D2HGDH: variants seen among roughly 807,000 people sequenced by gnomAD.
The protein encoded by D2HGDH is D-2-hydroxyglutarate dehydrogenase, also known as D-2-hydroxyglutarate dehydrogenase, mitochondrial.
Under a neutral mutation model 46.9 loss-of-function variants are expected in D2HGDH, and 31 were observed. That is an observed-to-expected ratio of 0.66 (90% CI 0.50 to 0.89). D2HGDH has a LOEUF of 0.89. Ranked by LOEUF, D2HGDH falls within the 40% of genes least tolerant of loss-of-function variation. The pLI, the probability that D2HGDH is intolerant of heterozygous loss-of-function variation, is 0.00. For missense variants in D2HGDH, 698 were observed against 720.8 expected (o/e 0.97, Z 0.36); for synonymous variants, 364 against 332.6 (o/e 1.09, Z -1.03).
chr2:241,755,223 G>T, intron 8 of D2HGDH: 1 of 1,177,414 alleles, frequency 8.5e-7, no homozygotes. Context: ...CCCGCCCACC[G>T]TGTCCTTCCC....
intron 3 of D2HGDH, 42 bp downstream of exon 3, chr2:241,741,132 CT>C (rs1559352315): frequency 6.3e-7 from 1 of 1,588,854 alleles, no homozygotes; most frequent in African/African-American, 1.3e-5. Flanking sequence ...TCCCTGTTGC[CT>C]GTGGGTCATT....
chr2:241,760,304 G>A (rs370938973), intron 9 of D2HGDH, among the ~76,000 whole-genome samples: 2 of 70,280 alleles, frequency 2.8e-5, no homozygotes, highest in African/African-American at 8.5e-5. Context: ...TCGCCACAGC[G>A]TGGGTGGGCC....
intron 8 of D2HGDH, chr2:241,755,513 T>A: frequency 7.4e-7 from 1 of 1,356,872 alleles, no homozygotes; most frequent in Non-Finnish European, 9.8e-7. Flanking sequence ...GCTGTCCCCC[T>A]TCTGTGAGGT....
rs62192001 is a variant in D2HGDH, at chr2:241,742,173, G to A, written c.351-262G>A. On this transcript the variant is annotated intron_variant, in intron 3 of 9. Transcript: ENST00000321264. The surrounding 1 kb of genome is among the most constrained non-coding windows in gnomAD (Gnocchi z 4.8). ...AGGATGGGAGCCGGGCGTGTAGGAC[G>A]TTCTGTCCTTTGAGGGAAGCCTTGT... Among the ~76,000 whole-genome samples, 83,428 of 152,018 alleles carry A rather than the reference G, an allele frequency of 0.55. 24,677 individuals carry two copies. The highest frequency in any genetic ancestry group is 0.79 in the African/African-American group (32,632 of 41,454).
rs143564100 is a variant in D2HGDH, at chr2:241,755,859, C to T, written c.1151C>T (p.Ala384Val). 56 of 1,612,448 alleles carry T rather than the reference C, an allele frequency of 3.5e-5. No individual in the cohort carries two copies. Among genetic ancestry groups the T allele is most frequent in the Non-Finnish European group, 4.6e-5 (54 of 1,179,180 alleles). The change falls in exon 9 of 10, where the codon GCC (alanine) becomes GTC (valine). Residue 384 changes from alanine (A) to valine (V), a missense_variant. Transcript: ENST00000321264. ...CGTCTCATCCTCTAGATGCTGTGGGCCCTGAGGGAAAGGATCACAGAGGCG... is the reference window on the plus strand; with the variant it reads ...CGTCTCATCCTCTAGATGCTGTGGGTCCTGAGGGAAAGGATCACAGAGGCG... ...TDQRKVKMLW[A>V]LRERITEALS...
intron 2 of D2HGDH, among the ~76,000 whole-genome samples, chr2:241,737,994 G>T (rs1021734503): frequency 2.0e-5 from 3 of 152,188 alleles, no homozygotes; most frequent in Non-Finnish European, 4.4e-5. Flanking sequence ...TAATCTGGGA[G>T]TGCAGCGTAT....
chr2:241,744,229 C>A (rs1207905014), intron 5 of D2HGDH, among the ~76,000 whole-genome samples: 3 of 152,256 alleles, frequency 2.0e-5, no homozygotes, highest in Non-Finnish European at 2.9e-5. Flanking sequence ...AGCTCTCTGT[C>A]CTGTTTACCC....
chr2:241,753,521 G>A (rs1697632567), intron 8 of D2HGDH, among the ~76,000 whole-genome samples: 1 of 152,212 alleles, frequency 6.6e-6, no homozygotes, highest in African/African-American at 2.4e-5. Flanking sequence ...CCACTCTGTG[G>A]TCTTTCCCTT....
chr2:241,752,571 G>A (rs371275932), intron 8 of D2HGDH, among the ~76,000 whole-genome samples: 3 of 152,084 alleles, frequency 2.0e-5, no homozygotes, highest in Non-Finnish European at 4.4e-5. Flanking sequence ...CAGTCCAGGG[G>A]CCCGGGCTGA....
rs1255520162 is a variant in D2HGDH at position 241,750,248 on chromosome 2, C to T, written c.951C>T (p.Cys317=). The change falls in exon 7 of 10, where the codon TGC becomes TGT. Residue 317 remains cysteine (C), a synonymous_variant. Transcript: ENST00000321264. ...CATTCGAGTTCATGGATGCTGTGTG[C>T]ATGCAGCTGGTCGGGCGCCATCTCC... ...LSAFEFMDAV[C]MQLVGRHLHL... 8.1e-6 allele frequency: 13 copies of T among 1,613,996 alleles called. No individual in the cohort carries two copies. Among genetic ancestry groups the T allele is most frequent in the South Asian group, 2.2e-5 (2 of 91,088 alleles).
At chr2:241,736,475 C>T (rs1013220663) in intron 2 of D2HGDH, among the ~76,000 whole-genome samples, 1 of 152,170 alleles carries the variant, frequency 6.6e-6, no homozygotes, top group Non-Finnish European at 1.5e-5. Context: ...CCTCTTGTAG[C>T]TCTAGCTCCT....
chr2:241,760,943 T>A (rs2125168924), intron 9 of D2HGDH, among the ~76,000 whole-genome samples: 1 of 152,336 alleles, frequency 6.6e-6, no homozygotes, highest in Non-Finnish European at 1.5e-5. Context: ...TGTTTGTTTC[T>A]CTAAATATGT....
In D2HGDH at chr2:241,764,202, GC is replaced by G. The variant is rs1045468096; in HGVS notation, c.1307-3507del. ...CTGTGGGAGGGGCGGGGACTGGGGGGCGACGGGGACTGTGGGAGGGGTCCCT... is the reference window on the plus strand; with the variant it reads ...CTGTGGGAGGGGCGGGGACTGGGGGGGACGGGGACTGTGGGAGGGGTCCCT... On this transcript the variant is annotated intron_variant, in intron 9 of 9. Transcript: ENST00000321264. Among the ~76,000 whole-genome samples the G allele has an allele frequency of 1.1e-4, 16 of 152,052 alleles. 1 individual carries two copies. The highest frequency in any genetic ancestry group is 3.9e-4 in the African/African-American group (16 of 41,372).
chr2:241,737,835 T>C (rs528506380), intron 2 of D2HGDH, among the ~76,000 whole-genome samples: 2 of 152,216 alleles, frequency 1.3e-5, no homozygotes, highest in African/African-American at 4.8e-5. Flanking sequence ...AAATGATATA[T>C]TTAAACCTGT....
In D2HGDH at chr2:241,755,551, C is replaced by A. The variant is rs781124578; in HGVS notation, c.1141-298C>A. Reference sequence around the variant, plus strand: ...CCCAGCCGCCTGATTGCCGGAGTCCCAGGGTGCTCGGTGCTGTCGTGGAGC... The same window carrying A: ...CCCAGCCGCCTGATTGCCGGAGTCCAAGGGTGCTCGGTGCTGTCGTGGAGC... On this transcript the variant is annotated intron_variant, in intron 8 of 9. Transcript: ENST00000321264. 5.0e-6 allele frequency: 7 copies of A among 1,414,132 alleles called. No homozygotes were observed. In the South Asian group the frequency reaches 8.5e-5, roughly 17 times the overall value. 87.6% of individuals were successfully genotyped at this position (1,414,132 alleles called of 1,614,324 possible). A position where few individuals can be genotyped will look rare whatever the true frequency, so the allele number is the denominator to read the frequency against.
chr2:241,749,255 C>T (rs781344317), intron 6 of D2HGDH: 1 of 1,234,646 alleles, frequency 8.1e-7, no homozygotes. Context: ...CGACATGGTG[C>T]TCGGGTCACA....
chr2:241,755,983 C>A lies in D2HGDH; in HGVS notation c.1275C>A (p.His425Gln). ...VTDLRARLGP[H>Q]AKHVVGYGHL... Reference sequence around the variant, plus strand: ...ACCTGCGCGCCCGCCTCGGCCCGCACGCCAAGCACGTGGTGGGCTATGGCC... The same window carrying A: ...ACCTGCGCGCCCGCCTCGGCCCGCAAGCCAAGCACGTGGTGGGCTATGGCC... Residue 425 changes from histidine (H) to glutamine (Q), a missense_variant, in exon 9 of 10, where the codon CAC (histidine) becomes CAA (glutamine). Physicochemically the swap from His to Gln is conservative, Grantham distance 24. Transcript: ENST00000321264. 2 of 1,603,464 alleles carry A rather than the reference C, an allele frequency of 1.2e-6. No individual in the cohort carries two copies. Among genetic ancestry groups the A allele is most frequent in the Non-Finnish European group, 1.7e-6 (2 of 1,172,462 alleles).
At chr2:241,740,813 C>T (rs941463961) in intron 2 of D2HGDH, among the ~76,000 whole-genome samples, 24 of 152,080 alleles carry the variant, frequency 1.6e-4, no homozygotes, top group East Asian at 1.9e-4. Flanking sequence ...GGTGTGGTGG[C>T]GGGTGCCTAT....
chr2:241,736,483 C>G (rs1429995396), intron 2 of D2HGDH, among the ~76,000 whole-genome samples: 3 of 152,160 alleles, frequency 2.0e-5, no homozygotes. Context: ...AGCTCTAGCT[C>G]CTGGTGGCCC....
Sources: allele counts gnomAD v4.1 joint callset (sites outside exome capture counted in the v4.1 genomes callset), GRCh38; gene constraint gnomAD v4.1.1; non-coding constraint Gnocchi (gnomAD v3.1); transcripts MANE v1.5; gene names NCBI Gene and HGNC (gene_info 2026-07-23, HGNC 2026-07-21).